The following PCDH15 variants were observed in gnomAD, a reference collection of about 807,000 sequenced individuals.
PCDH15 encodes the protein protocadherin-15.
In PCDH15, 129 loss-of-function variants were observed where a neutral mutation model predicts 178.5. That is an observed-to-expected ratio of 0.72 (90% CI 0.63 to 0.84). The LOEUF is 0.84. Ranked by LOEUF, PCDH15 falls within the 40% of genes least tolerant of loss-of-function variation. PCDH15 has a pLI of 0.00. For missense variants in PCDH15, 2,230 were observed against 2,099.9 expected (o/e 1.06, Z -1.21); for synonymous variants, 800 against 732.0 (o/e 1.09, Z -1.50).
At chr10:53,961,375 A>T (rs924858486) in intron 22 of PCDH15, among the ~76,000 whole-genome samples, 1 of 152,090 alleles carries the variant, frequency 6.6e-6, no homozygotes, top group Non-Finnish European at 1.5e-5. Context: ...AATGTTATAT[A>T]GTAAAATACT....
chr10:55,442,484 T>TATATATATTATATATATATATA (rs1839217492), intron 2 of PCDH15, among the ~76,000 whole-genome samples: 1 of 123,080 alleles, frequency 8.1e-6, no homozygotes, highest in African/African-American at 3.4e-5. Flanking sequence ...ATATATATTA[T>TATATATATTATATATATATATA]ATATATATAT....
intron 2 of PCDH15, among the ~76,000 whole-genome samples, chr10:55,407,292 G>T (rs1035188978): frequency 6.6e-6 from 1 of 152,094 alleles, no homozygotes; most frequent in African/African-American, 2.4e-5. Context: ...AATAATTGAT[G>T]ATGTACAAGA....
chr10:54,401,923 C>G (rs191780581), intron 3 of PCDH15, among the ~76,000 whole-genome samples: 23 of 151,792 alleles, frequency 1.5e-4, no homozygotes, highest in African/African-American at 4.6e-4. Flanking sequence ...TGATAACAAA[C>G]CTGACAAAAA....
At position 55,332,508 on chromosome 10, in the gene PCDH15, G is replaced by A. The variant is rs7895126; in HGVS notation, c.-155-165857C>T. Among the ~76,000 whole-genome samples the A allele has an allele frequency of 2.2e-3, 341 of 152,180 alleles. 1 individual carries two copies. Among genetic ancestry groups the A allele is most frequent in the African/African-American group, 7.8e-3 (324 of 41,532 alleles). ...ATATATCTCATATTGATGACATTTG[G>A]AGGATACTAGAGAACCAAATTATTG... On this transcript the variant is annotated intron_variant, in intron 2 of 5. Transcript: ENST00000613346.
In PCDH15 at chr10:55,249,583, C is replaced by A. The variant is rs1027687291; in HGVS notation, c.-156+70016G>T. ...AATAAAAGTAATTATCAAACACAATCTGCTGAATATCCCAACAAGCAATAA... is the reference window on the plus strand; with the variant it reads ...AATAAAAGTAATTATCAAACACAATATGCTGAATATCCCAACAAGCAATAA... On this transcript the variant is annotated intron_variant, in intron 1 of 5. Coordinates refer to the PCDH15 transcript ENST00000458638. Among the ~76,000 whole-genome samples the A allele has an allele frequency of 6.6e-5, 10 of 152,212 alleles. 1 individual carries two copies. The South Asian group carries it at 1.5e-3, about 22-fold the overall frequency.
At chr10:55,550,806 A>T (rs778148990) in intron 2 of PCDH15, among the ~76,000 whole-genome samples, 4 of 152,092 alleles carry the variant, frequency 2.6e-5, no homozygotes, top group Non-Finnish European at 5.9e-5. Context: ...CCATCCTTGT[A>T]ATCTTACCTT....
chr10:54,150,168 C>G (rs894258716), intron 14 of PCDH15, among the ~76,000 whole-genome samples: 1 of 151,956 alleles, frequency 6.6e-6, no homozygotes, highest in African/African-American at 2.4e-5. Flanking sequence ...GGGAAGAGAC[C>G]TATCATCTGT....
At position 54,389,565 on chromosome 10, in the gene PCDH15, C is replaced by A. The variant is rs577657964; in HGVS notation, c.158-10623G>T. Among the ~76,000 whole-genome samples the A allele has an allele frequency of 1.2e-4, 19 of 152,198 alleles. No individual in the cohort carries two copies. The East Asian group carries it at 3.3e-3, about 26-fold the overall frequency. ...TATCATCTTCACACGAGAACTTGTT[C>A]GAAATCCGTATTTGCGGCTCCATCC... On this transcript the variant is annotated intron_variant, in intron 3 of 37. Transcript: ENST00000644397.
chr10:55,497,906 C>T (rs16907472), intron 2 of PCDH15, among the ~76,000 whole-genome samples: 158 of 151,968 alleles, frequency 1.0e-3, no homozygotes, highest in Non-Finnish European at 1.8e-3. Context: ...AATTCTATCA[C>T]GTTCAAAATG....
intron 2 of PCDH15, among the ~76,000 whole-genome samples, chr10:54,900,418 C>A (rs1467912256): frequency 6.6e-6 from 1 of 151,938 alleles, no homozygotes; most frequent in Non-Finnish European, 1.5e-5. Flanking sequence ...CTTAAATAAT[C>A]CTTGTTGATT....
chr10:54,972,342 C>G (rs1838954738), intron 2 of PCDH15, among the ~76,000 whole-genome samples: 2 of 151,028 alleles, frequency 1.3e-5, no homozygotes, highest in Admixed American at 6.6e-5. Context: ...GAGTTCGAGA[C>G]CAGCCTGGAC....
At chr10:55,300,956 T>A (rs957372288) in intron 1 of PCDH15, among the ~76,000 whole-genome samples, 3 of 152,198 alleles carry the variant, frequency 2.0e-5, no homozygotes, top group Non-Finnish European at 4.4e-5. Context: ...GGTGCCCTTT[T>A]ATAGTCACAT....
chr10:54,445,047 C>T (rs1409197630), intron 3 of PCDH15, among the ~76,000 whole-genome samples: 1 of 151,180 alleles, frequency 6.6e-6, no homozygotes, highest in African/African-American at 2.4e-5. Flanking sequence ...CTCCTTTTCT[C>T]AATTGCCAAT....
chr10:55,529,532 T>C (rs1841394800), intron 2 of PCDH15, among the ~76,000 whole-genome samples: 1 of 151,624 alleles, frequency 6.6e-6, no homozygotes. Flanking sequence ...TTTAAAAATC[T>C]ATTAAATTAC....
At chr10:55,595,779 C>T (rs1398321422) in intron 2 of PCDH15, among the ~76,000 whole-genome samples, 3 of 151,906 alleles carry the variant, frequency 2.0e-5, no homozygotes, top group Non-Finnish European at 2.9e-5. Flanking sequence ...TATGCTAGTG[C>T]TCAGCCTTAT....
At chr10:54,977,235 A>C (rs1839095580) in intron 2 of PCDH15, among the ~76,000 whole-genome samples, 1 of 152,112 alleles carries the variant, frequency 6.6e-6, no homozygotes, top group African/African-American at 2.4e-5. Flanking sequence ...CATTCATAGG[A>C]GATTAGGCAT....
chr10:54,401,113 C>T (rs1951880656), intron 3 of PCDH15, among the ~76,000 whole-genome samples: 1 of 151,832 alleles, frequency 6.6e-6, no homozygotes, highest in Non-Finnish European at 1.5e-5. Flanking sequence ...ATTTAAAAGT[C>T]TTTGCTCTTC....
upstream of PCDH15, among the ~76,000 whole-genome samples, chr10:55,322,593 T>G (rs963289022): frequency 8.6e-5 from 13 of 152,012 alleles, no homozygotes; most frequent in Admixed American, 7.9e-4. Flanking sequence ...TGGCCTTAGA[T>G]GGAGATGAGG....
chr10:55,230,933 T>C (rs1456738047), intron 1 of PCDH15, among the ~76,000 whole-genome samples: 1 of 151,912 alleles, frequency 6.6e-6, no homozygotes, highest in Non-Finnish European at 1.5e-5. Context: ...ACCAGATATT[T>C]TAGAGGTGGA....
Sources: allele counts gnomAD v4.1 joint callset (sites outside exome capture counted in the v4.1 genomes callset), GRCh38; gene constraint gnomAD v4.1.1; transcripts MANE v1.5; gene names NCBI Gene and HGNC (gene_info 2026-07-23, HGNC 2026-07-21).